Variants in GRM1 observed in about 807,000 individuals in gnomAD.
GRM1 encodes the protein glutamate metabotropic receptor 1, also known as metabotropic glutamate receptor 1.
In GRM1, 33 loss-of-function variants were observed where a neutral mutation model predicts 90.9. The ratio of observed to expected loss-of-function variants is 0.36; its 90% CI spans 0.28 to 0.49. The LOEUF is 0.49. GRM1 is among the 20% of genes least tolerant of loss of function. The pLI is 0.99. For missense variants in GRM1, 1,190 were observed against 1,534.3 expected, an observed-to-expected ratio of 0.78 and a Z score of 3.75; for synonymous variants, 700 against 613.2, an observed-to-expected ratio of 1.14 and a Z score of -2.09.
intron 2 of GRM1, among the ~76,000 whole-genome samples, chr6:146,302,165 C>T (rs926422466): frequency 5.9e-5 from 9 of 151,406 alleles, no homozygotes; most frequent in Non-Finnish European, 1.2e-4. Flanking sequence ...CTATACCAAA[C>T]CCTCCCCTTC....
At chr6:146,354,147 C>T (rs1216034821) in intron 4 of GRM1, among the ~76,000 whole-genome samples, 1 of 152,204 alleles carries the variant, frequency 6.6e-6, no homozygotes, top group African/African-American at 2.4e-5. Flanking sequence ...TATCAGATTT[C>T]TTCCAAGCTG....
chr6:146,227,390 GT>G (rs1780279436), intron 2 of GRM1, among the ~76,000 whole-genome samples: 1 of 152,012 alleles, frequency 6.6e-6, no homozygotes, highest in Non-Finnish European at 1.5e-5. Flanking sequence ...TTACACTAGG[GT>G]TTACTCTTGG....
chr6:146,124,422 A>C (rs1293078715), intron 1 of GRM1, among the ~76,000 whole-genome samples: 1 of 152,166 alleles, frequency 6.6e-6, no homozygotes, highest in Middle Eastern at 3.2e-3. Flanking sequence ...AATTCATTAA[A>C]TATTTAGTTT....
At chr6:146,135,687 T>G (rs560248681) in intron 1 of GRM1, among the ~76,000 whole-genome samples, 2 of 152,338 alleles carry the variant, frequency 1.3e-5, no homozygotes, top group South Asian at 4.1e-4. Flanking sequence ...TATATATTTA[T>G]GGAGTACATA....
In GRM1 at chr6:146,277,315, C is replaced by T. The variant is rs576890531; in HGVS notation, c.951-27296C>T. Among the ~76,000 whole-genome samples, 352 of 152,258 alleles carry T rather than the reference C, an allele frequency of 2.3e-3. 2 individuals are homozygous for T. Among genetic ancestry groups the T allele is most frequent in the African/African-American group, 8.3e-3 (345 of 41,556 alleles). On this transcript the variant is annotated intron_variant, in intron 2 of 7. Coordinates refer to ENST00000282753, the MANE Select transcript of GRM1 (RefSeq NM_001278064.2). ...GCCTTTGGAATGCCCCTTGGTAGCTCCTGGGAGATGAGCTAAACCCTTGGA... is the reference window on the plus strand; with the variant it reads ...GCCTTTGGAATGCCCCTTGGTAGCTTCTGGGAGATGAGCTAAACCCTTGGA...
intron 1 of GRM1, among the ~76,000 whole-genome samples, chr6:146,127,993 A>G (rs1583041318): frequency 1.3e-5 from 2 of 152,210 alleles, no homozygotes; most frequent in South Asian, 2.1e-4. Context: ...CTGGCAGTTG[A>G]CACTGGCCAT....
At chr6:146,068,731 A>C (rs1775934398) in intron 1 of GRM1, among the ~76,000 whole-genome samples, 1 of 152,220 alleles carries the variant, frequency 6.6e-6, no homozygotes, top group African/African-American at 2.4e-5. Context: ...GAATAAAGGC[A>C]AAAAATTGGC....
At chr6:146,311,617 G>A (rs150867579) in intron 3 of GRM1, among the ~76,000 whole-genome samples, 3 of 152,106 alleles carry the variant, frequency 2.0e-5, no homozygotes, top group African/African-American at 7.2e-5. Flanking sequence ...TGAAAATCAC[G>A]TGAAATGAAA....
At chr6:146,079,646 C>A (rs1000764024) in intron 1 of GRM1, among the ~76,000 whole-genome samples, 74 of 152,130 alleles carry the variant, frequency 4.9e-4, no homozygotes, top group African/African-American at 1.7e-3. Flanking sequence ...TGTATGGTAC[C>A]TGGGCATGGA....
chr6:146,334,249 C>A (rs1253703134), intron 3 of GRM1, among the ~76,000 whole-genome samples: 2 of 152,200 alleles, frequency 1.3e-5, no homozygotes, highest in African/African-American at 4.8e-5. Context: ...AAGTTTCTGC[C>A]TCTGGACTAG....
chr6:146,165,469 A>G (rs536498267), intron 2 of GRM1, among the ~76,000 whole-genome samples: 4 of 152,276 alleles, frequency 2.6e-5, no homozygotes, highest in Non-Finnish European at 2.9e-5. Flanking sequence ...TATTTTAAAG[A>G]GAATGTGGAC....
intron 2 of GRM1, among the ~76,000 whole-genome samples, chr6:146,210,906 A>G (rs992440615): frequency 2.6e-5 from 4 of 152,132 alleles, no homozygotes; most frequent in African/African-American, 9.7e-5. Flanking sequence ...GATTCACAGC[A>G]GGAATGGGGA....
chr6:146,362,214 T>C (rs1307947921), intron 5 of GRM1, among the ~76,000 whole-genome samples: 1 of 152,162 alleles, frequency 6.6e-6, no homozygotes, highest in African/African-American at 2.4e-5. Context: ...ACCCAGCCAA[T>C]CATGACAGAA....
At position 146,357,513 on chromosome 6, in the gene GRM1, G is replaced by A; in HGVS notation, c.1434-13G>A. On this transcript the variant is annotated splice_polypyrimidine_tract_variant and intron_variant, in intron 4 of 7. Coordinates refer to ENST00000282753, the MANE Select transcript of GRM1 (RefSeq NM_001278064.2). ...CTATATTCTATAAGACATGCACATT[G>A]TGCTCTTTGTAGGTATGATATCATG... The A allele has an allele frequency of 1.2e-6, 2 of 1,603,610 alleles. No homozygotes were observed. The highest frequency in any genetic ancestry group is 1.1e-5 in the South Asian group (1 of 90,830).
intron 1 of GRM1, among the ~76,000 whole-genome samples, chr6:146,117,490 G>A (rs1178204914): frequency 4.6e-5 from 7 of 151,960 alleles, no homozygotes; most frequent in African/African-American, 1.2e-4. Flanking sequence ...TTAAGCCAAT[G>A]AATAAGTTTC....
intron 1 of GRM1, among the ~76,000 whole-genome samples, chr6:146,045,280 C>G (rs1791283686): frequency 6.6e-6 from 1 of 151,872 alleles, no homozygotes; most frequent in Non-Finnish European, 1.5e-5. Flanking sequence ...CATTAGCTAA[C>G]CTGAATAATT....
chr6:146,260,510 A>G (rs1046607004), intron 2 of GRM1, among the ~76,000 whole-genome samples: 9 of 152,172 alleles, frequency 5.9e-5, no homozygotes, highest in African/African-American at 2.2e-4. Flanking sequence ...CTTTGGGTAT[A>G]TACCCAGTAA....
chr6:146,058,823 A>G (rs1775570839), intron 1 of GRM1, among the ~76,000 whole-genome samples: 2 of 152,128 alleles, frequency 1.3e-5, no homozygotes, highest in South Asian at 4.1e-4. Context: ...TTTTGTCTTA[A>G]GATTCCATTT....
At chr6:146,431,581 TTTG>T (rs1047872615) in intron 7 of GRM1, among the ~76,000 whole-genome samples, 13 of 147,754 alleles carry the variant, frequency 8.8e-5, no homozygotes, top group Admixed American at 3.4e-4. Context: ...AAGGGACCTG[TTTG>T]TTGTTGTTGT....
Sources: gnomAD v4.1 joint callset for allele counts (sites outside exome capture counted in the v4.1 genomes callset) on GRCh38, gnomAD v4.1.1 for gene constraint, MANE v1.5 for transcripts, NCBI Gene and HGNC (gene_info 2026-07-23, HGNC 2026-07-21) for gene names.